CLVS1: variants seen among roughly 807,000 people sequenced by gnomAD.
CLVS1 encodes clavesin 1.
Under a neutral mutation model 33.1 loss-of-function variants are expected in CLVS1, and 10 were observed. The ratio of observed to expected loss-of-function variants is 0.30; its 90% CI spans 0.19 to 0.51. The LOEUF (loss-of-function observed/expected upper bound fraction) is 0.51, where lower values mean the gene tolerates loss of function less well. Among genes scored for constraint, CLVS1 ranks in the 20% least tolerant of loss-of-function variants. The pLI, the probability that CLVS1 is intolerant of heterozygous loss-of-function variation, is 0.97. For missense variants in CLVS1, 343 were observed against 433.4 expected, an observed-to-expected ratio of 0.79 and a Z score of 1.85; for synonymous variants, 163 against 166.1, an observed-to-expected ratio of 0.98 and a Z score of 0.14.
intron 2 of CLVS1, among the ~76,000 whole-genome samples, chr8:61,323,582 G>A (rs959310212): frequency 6.6e-6 from 1 of 151,896 alleles, no homozygotes; most frequent in African/African-American, 2.4e-5. Context: ...AAGCTCAAAG[G>A]CCATGTTTTG....
intron 2 of CLVS1, among the ~76,000 whole-genome samples, chr8:61,233,014 C>CAT (rs1808479354): frequency 6.6e-6 from 1 of 152,094 alleles, no homozygotes; most frequent in Non-Finnish European, 1.5e-5. Flanking sequence ...GTTTTTTAAG[C>CAT]ATATCTGAAG....
In CLVS1 at chr8:61,500,435, T is replaced by TAAAG. The variant is rs77497713; in HGVS notation, c.*895_*898dup. The TAAAG allele has an allele frequency of 0.022, 3,347 of 152,200 alleles. 45 individuals are homozygous for TAAAG. Among genetic ancestry groups the TAAAG allele is most frequent in the Non-Finnish European group, 0.035 (2,406 of 67,996 alleles). The allele number at this position is 152,200 out of a possible 1,614,324, so 9.4% of individuals were successfully genotyped here. On this transcript the variant is annotated 3_prime_UTR_variant, in exon 6 of 6. Coordinates refer to ENST00000325897, the MANE Select transcript of CLVS1 (RefSeq NM_173519.3). ...GCCCCCACAACCCTCCTGCAACCAT[T>TAAAG]AAAGATGTGGAGAAAGACCATGGTT...
chr8:61,033,047 A>AGAG, the CLVS1 span, among the ~76,000 whole-genome samples: 8 of 77,970 alleles, frequency 1.0e-4, no homozygotes, highest in African/African-American at 3.8e-4. Flanking sequence ...GAAAGAAAGA[A>AGAG]AAAGAAAGAA....
intron 3 of CLVS1, among the ~76,000 whole-genome samples, chr8:61,380,375 G>T (rs1288996177): frequency 6.6e-6 from 1 of 152,146 alleles, no homozygotes; most frequent in African/African-American, 2.4e-5. Context: ...CCTCTCTTTA[G>T]GGATCATCAG....
chr8:61,337,254 C>T (rs1450683401), intron 2 of CLVS1, among the ~76,000 whole-genome samples: 2 of 152,328 alleles, frequency 1.3e-5, no homozygotes, highest in East Asian at 1.9e-4. Flanking sequence ...TGATATTTCA[C>T]GTATCTTGTG....
intron 2 of CLVS1, among the ~76,000 whole-genome samples, chr8:61,352,851 G>A (rs1007719914): frequency 6.6e-6 from 1 of 151,890 alleles, no homozygotes; most frequent in African/African-American, 2.4e-5. Flanking sequence ...CATTCACATA[G>A]CATTTACATA....
At chr8:61,350,476 C>T (rs1012379330) in intron 2 of CLVS1, among the ~76,000 whole-genome samples, 1 of 152,126 alleles carries the variant, frequency 6.6e-6, no homozygotes, top group African/African-American at 2.4e-5. Flanking sequence ...TGATGCATTG[C>T]AAGAGGGAAC....
At chr8:61,074,886 C>A (rs1224871391) in intron 1 of CLVS1, among the ~76,000 whole-genome samples, 1 of 152,112 alleles carries the variant, frequency 6.6e-6, no homozygotes, top group Non-Finnish European at 1.5e-5. Flanking sequence ...AAAGACTACT[C>A]CCAGCTTGGA....
chr8:61,195,707 A>G (rs999327357), intron 2 of CLVS1, among the ~76,000 whole-genome samples: 23 of 152,224 alleles, frequency 1.5e-4, no homozygotes, highest in African/African-American at 5.3e-4. Flanking sequence ...TTCAAAATTT[A>G]TTGATAGAAC....
intron 1 of CLVS1, among the ~76,000 whole-genome samples, chr8:61,070,499 TCCCATCTTCCA>T (rs1202958622): frequency 6.6e-6 from 1 of 152,236 alleles, no homozygotes; most frequent in East Asian, 1.9e-4. Context: ...CCTATTGTTT[TCCCATCTTCCA>T]CCCCTCTTCT....
intron 2 of CLVS1, among the ~76,000 whole-genome samples, chr8:61,194,878 TTAAG>T (rs903473449): frequency 4.4e-4 from 67 of 151,988 alleles, no homozygotes; most frequent in African/African-American, 1.2e-3. Flanking sequence ...AAGTATTTTA[TTAAG>T]TATGTTCTTT....
intron 2 of CLVS1, among the ~76,000 whole-genome samples, chr8:61,159,506 G>T (rs1806713548): frequency 6.6e-6 from 1 of 152,176 alleles, no homozygotes. Context: ...CTGGTGAGCA[G>T]CTTTAAAATA....
chr8:61,016,685 CGTAAAT>C, the CLVS1 span, among the ~76,000 whole-genome samples: 1 of 152,114 alleles, frequency 6.6e-6, no homozygotes, highest in African/African-American at 2.4e-5. Context: ...GTGGAAGCTG[CGTAAAT>C]GTGTGTGTGC....
chr8:60,975,511 G>A, the CLVS1 span, among the ~76,000 whole-genome samples: 6 of 152,090 alleles, frequency 3.9e-5, no homozygotes, highest in African/African-American at 7.2e-5. Context: ...AGGTGAAGAT[G>A]GAGGCAGAGG....
chr8:61,194,594 A>G (rs757917065), intron 2 of CLVS1, among the ~76,000 whole-genome samples: 1 of 152,006 alleles, frequency 6.6e-6, no homozygotes, highest in Non-Finnish European at 1.5e-5. Context: ...AAATAGATAA[A>G]TAAATATCAT....
intron 2 of CLVS1, among the ~76,000 whole-genome samples, chr8:61,220,084 T>C (rs982644325): frequency 2.0e-5 from 3 of 152,054 alleles, no homozygotes; most frequent in East Asian, 3.9e-4. Context: ...AAATCTCCCA[T>C]TGCATTTCTC....
chr8:61,273,574 G>A (rs565785158), intron 2 of CLVS1, among the ~76,000 whole-genome samples: 17 of 152,352 alleles, frequency 1.1e-4, no homozygotes, highest in Admixed American at 9.8e-4. Context: ...GCAATGGCGG[G>A]CGCCCCTCCC....
chr8:61,043,477 C>T, the CLVS1 span, among the ~76,000 whole-genome samples: 1 of 152,206 alleles, frequency 6.6e-6, no homozygotes, highest in Non-Finnish European at 1.5e-5. Context: ...TTACAAACAA[C>T]CAAGTAATGG....
intron 3 of CLVS1, among the ~76,000 whole-genome samples, chr8:61,386,906 TA>T (rs1814106627): frequency 6.6e-6 from 1 of 152,168 alleles, no homozygotes; most frequent in South Asian, 2.1e-4. Context: ...CACTTCAAAA[TA>T]AGAATATGAA....
Sources: gnomAD v4.1 joint callset for allele counts (sites outside exome capture counted in the v4.1 genomes callset) on GRCh38, gnomAD v4.1.1 for gene constraint, MANE v1.5 for transcripts, NCBI Gene and HGNC (gene_info 2026-07-23, HGNC 2026-07-21) for gene names.